Variants in LDLRAD4 observed in about 807,000 individuals in gnomAD.
The protein encoded by LDLRAD4 is low-density lipoprotein receptor class A domain-containing protein 4.
LDLRAD4 carries 5 observed loss-of-function variants against 17.0 expected under a neutral mutation model. The ratio of observed to expected loss-of-function variants is 0.29; its 90% CI spans 0.15 to 0.62. The LOEUF (loss-of-function observed/expected upper bound fraction) is 0.62. Ranked by LOEUF, LDLRAD4 falls within the 20% of genes least tolerant of loss-of-function variation. The pLI is 0.84. For missense variants in LDLRAD4, 340 were observed against 424.7 expected, an observed-to-expected ratio of 0.80 and a Z score of 1.75; for synonymous variants, 168 against 171.8, an observed-to-expected ratio of 0.98 and a Z score of 0.17.
At chr18:13,515,604 C>T (rs896290217) in intron 3 of LDLRAD4, 19 of 152,202 alleles carry the variant, frequency 1.2e-4, no homozygotes, top group African/African-American at 4.3e-4. Flanking sequence ...TCTCAGTAGA[C>T]TTACAAATTC....
intron 3 of LDLRAD4, among the ~76,000 whole-genome samples, chr18:13,538,869 C>T (rs1165291187): frequency 6.6e-6 from 1 of 152,206 alleles, no homozygotes; most frequent in Non-Finnish European, 1.5e-5. Context: ...GGAAGTCAGG[C>T]TCTGGTTAGG....
At chr18:13,346,240 A>G (rs1167878709) in intron 1 of LDLRAD4, among the ~76,000 whole-genome samples, 1 of 150,154 alleles carries the variant, frequency 6.7e-6, no homozygotes, top group African/African-American at 2.4e-5. Flanking sequence ...CCCTCTACAC[A>G]CTGCTTTGAA....
In LDLRAD4 at chr18:13,298,756, C is replaced by T. The variant is rs538366114; in HGVS notation, c.-383+20568C>T. Among the ~76,000 whole-genome samples, 43 of 152,332 alleles carry T rather than the reference C, an allele frequency of 2.8e-4. 2 individuals carry two copies. In the South Asian group the frequency reaches 3.1e-3, roughly 11 times the overall value. On this transcript the variant is annotated intron_variant, in intron 1 of 5. Transcript: ENST00000359446. ...TGGGGGTCACTTGATGCGGACAGGA[C>T]GTGCTGCGGGGCCACTGGCCTGTGG...
intron 3 of LDLRAD4, chr18:13,615,210 G>A (rs1357311517): frequency 1.3e-5 from 2 of 152,236 alleles, no homozygotes; most frequent in African/African-American, 4.8e-5. Context: ...ATCGTTTTCT[G>A]GATTCCTGCC....
intron 3 of LDLRAD4, among the ~76,000 whole-genome samples, chr18:13,499,687 A>ACACCGGAGAATCCATCTC (rs1214034386): frequency 2.0e-5 from 3 of 150,528 alleles, no homozygotes; most frequent in African/African-American, 7.4e-5. Context: ...CCTGCCATGG[A>ACACCGGAGAATCCATCTC]CACCGGAGAA....
intron 3 of LDLRAD4, among the ~76,000 whole-genome samples, chr18:13,551,527 AAG>A (rs1446122309): frequency 1.3e-5 from 2 of 152,148 alleles, no homozygotes; most frequent in Non-Finnish European, 2.9e-5. Flanking sequence ...GGTTTGCAGA[AAG>A]AGAGAAAAGA....
chr18:13,449,256 G>T (rs757990879), intron 3 of LDLRAD4, among the ~76,000 whole-genome samples: 1 of 152,190 alleles, frequency 6.6e-6, no homozygotes, highest in South Asian at 2.1e-4. Flanking sequence ...CCTTAGAGGG[G>T]CACCTTCTTG....
chr18:13,457,439 C>T (rs984044351), intron 3 of LDLRAD4, among the ~76,000 whole-genome samples: 5 of 152,300 alleles, frequency 3.3e-5, no homozygotes, highest in East Asian at 1.9e-4. Flanking sequence ...TTTATGGGCG[C>T]TTCTTGATGT....
At chr18:13,319,668 A>G (rs1471215886) in intron 1 of LDLRAD4, among the ~76,000 whole-genome samples, 4 of 152,174 alleles carry the variant, frequency 2.6e-5, no homozygotes. Context: ...TTCTCCTTTT[A>G]AATAAACTTA....
At chr18:13,318,749 G>A (rs1251802360) in intron 1 of LDLRAD4, among the ~76,000 whole-genome samples, 4 of 152,190 alleles carry the variant, frequency 2.6e-5, no homozygotes, top group Non-Finnish European at 5.9e-5. Context: ...GTGTCTGTCT[G>A]TGTCACTGTG....
chr18:13,497,992 G>C (rs1184000042), intron 3 of LDLRAD4, among the ~76,000 whole-genome samples: 1 of 137,172 alleles, frequency 7.3e-6, no homozygotes, highest in Non-Finnish European at 1.6e-5. Flanking sequence ...GAATCCTTCT[G>C]CCCACACAAG....
chr18:13,276,292 G>C (rs532368334), upstream of LDLRAD4, among the ~76,000 whole-genome samples: 26 of 152,268 alleles, frequency 1.7e-4, no homozygotes, highest in African/African-American at 6.3e-4. Flanking sequence ...ACAGACATGA[G>C]CCACCGTACC....
intron 1 of LDLRAD4, among the ~76,000 whole-genome samples, chr18:13,334,798 G>C (rs1166966074): frequency 1.3e-5 from 2 of 152,116 alleles, no homozygotes; most frequent in African/African-American, 2.4e-5. Context: ...AAAGTTTCTA[G>C]TTTCTCATCA....
chr18:13,628,857 A>AG, intron 4 of LDLRAD4, among the ~76,000 whole-genome samples: 1 of 152,330 alleles, frequency 6.6e-6, no homozygotes, highest in African/African-American at 2.4e-5. Flanking sequence ...AAGTGACAAG[A>AG]TCTCACTTTG....
intron 4 of LDLRAD4, among the ~76,000 whole-genome samples, chr18:13,628,351 T>A (rs561890370): frequency 6.6e-6 from 1 of 152,318 alleles, no homozygotes; most frequent in African/African-American, 2.4e-5. Flanking sequence ...GGGGACCGTT[T>A]CCCTGCAGGC....
At chr18:13,616,452 C>G (rs1410949389) in intron 3 of LDLRAD4, among the ~76,000 whole-genome samples, 1 of 152,184 alleles carries the variant, frequency 6.6e-6, no homozygotes, top group Non-Finnish European at 1.5e-5. Flanking sequence ...CAATGCTCAT[C>G]TTTTCTGTTG....
At chr18:13,292,935 C>T (rs1381428627) in intron 1 of LDLRAD4, among the ~76,000 whole-genome samples, 1 of 152,208 alleles carries the variant, frequency 6.6e-6, no homozygotes, top group East Asian at 1.9e-4. Context: ...TGACGGAGGC[C>T]ATGCGGATTC....
chr18:13,223,412 TGGCAGGCA>T (rs369821101), intron 1 of LDLRAD4, among the ~76,000 whole-genome samples: 7 of 152,210 alleles, frequency 4.6e-5, no homozygotes, highest in African/African-American at 1.7e-4. Context: ...GTTTGCAGAA[TGGCAGGCA>T]GGCTTTTTGC....
At chr18:13,285,996 G>A (rs150195235) in intron 1 of LDLRAD4, among the ~76,000 whole-genome samples, 2 of 152,284 alleles carry the variant, frequency 1.3e-5, no homozygotes, top group East Asian at 1.9e-4. Flanking sequence ...GTGGCATTAA[G>A]TACATTCACG....
Sources: allele counts gnomAD v4.1 joint callset (sites outside exome capture counted in the v4.1 genomes callset), GRCh38; gene constraint gnomAD v4.1.1; transcripts MANE v1.5; gene names NCBI Gene and HGNC (gene_info 2026-07-23, HGNC 2026-07-21).